Variants in ADGRG7 observed in about 807,000 individuals in gnomAD.
ADGRG7 encodes adhesion G protein-coupled receptor G7.
A neutral mutation model predicts 88.6 loss-of-function variants in ADGRG7; 82 were observed. The observed-to-expected ratio is 0.93, with a 90% CI of 0.77 to 1.11. ADGRG7 has a LOEUF of 1.11. Among genes scored for constraint, ADGRG7 ranks in the 50% most tolerant of loss-of-function variants. The probability of loss-of-function intolerance (pLI) is 0.00; values close to 1 mark genes in which losing one functional copy is unlikely to be tolerated. For missense variants in ADGRG7, 945 were observed against 953.4 expected (o/e 0.99, Z 0.12); for synonymous variants, 381 against 345.2 (o/e 1.10, Z -1.15).
intron 3 of ADGRG7, 129 bp downstream of exon 3, chr3:100,630,938 C>T (rs973454171): frequency 1.2e-5 from 5 of 410,798 alleles, no homozygotes; most frequent in Non-Finnish European, 2.2e-5. Context: ...ACTTAACTCC[C>T]TTTCGTGATG....
intron 15 of ADGRG7, among the ~76,000 whole-genome samples, chr3:100,693,945 G>A (rs1019358883): frequency 1.3e-5 from 2 of 152,298 alleles, no homozygotes; most frequent in African/African-American, 2.4e-5. Context: ...CAACAGTATA[G>A]GCAGCACCGT....
intron 1 of ADGRG7, 35 bp from the exon 2 acceptor site, chr3:100,629,563 G>A: frequency 1.4e-6 from 2 of 1,462,746 alleles, no homozygotes; most frequent in Non-Finnish European, 9.6e-7. Context: ...GAATCAGCCA[G>A]TTCATGACTA....
At chr3:100,611,030 T>C (rs953320450) in intron 1 of ADGRG7, among the ~76,000 whole-genome samples, 1 of 152,154 alleles carries the variant, frequency 6.6e-6, no homozygotes, top group Non-Finnish European at 1.5e-5. Flanking sequence ...GAATACTGTA[T>C]CGATAGTATT....
At chr3:100,646,246 T>G in intron 9 of ADGRG7, 138 bp downstream of exon 9, 1 of 724,674 alleles carries the variant, frequency 1.4e-6, no homozygotes, top group African/African-American at 1.8e-5. Flanking sequence ...TGAACAGAAA[T>G]AATAAAAATT....
chr3:100,690,191 C>T (rs2094990813), intron 15 of ADGRG7, among the ~76,000 whole-genome samples: 1 of 152,250 alleles, frequency 6.6e-6, no homozygotes, highest in Non-Finnish European at 1.5e-5. Context: ...GTGCATTCAT[C>T]ACGTAGTTCT....
chr3:100,640,493 A>C (rs1171012073), intron 6 of ADGRG7, among the ~76,000 whole-genome samples: 2 of 152,010 alleles, frequency 1.3e-5, no homozygotes, highest in Non-Finnish European at 2.9e-5. Context: ...TCATAGTACA[A>C]TCAATGAGTT....
intron 15 of ADGRG7, among the ~76,000 whole-genome samples, chr3:100,692,991 T>G (rs1311214348): frequency 1.3e-5 from 2 of 152,206 alleles, no homozygotes; most frequent in Admixed American, 1.3e-4. Flanking sequence ...CTAATAAACA[T>G]TTACTAAATG....
intron 1 of ADGRG7, among the ~76,000 whole-genome samples, chr3:100,611,275 CCTTCCTTCCTTCCTTCCTTCCTTCCTTT>C (rs1395988842): frequency 8.5e-5 from 12 of 141,882 alleles, no homozygotes; most frequent in African/African-American, 3.1e-4. Flanking sequence ...TTCCTTCCTT[CCTTCCTTCCTTCCTTCCTTCCTTCCTTT>C]CTTCTTTCCT....
In ADGRG7 at chr3:100,637,412, A is replaced by G. The variant is rs1707564176; in HGVS notation, c.698+10A>G. 3 of 1,599,004 alleles carry G rather than the reference A, an allele frequency of 1.9e-6. No individual in the cohort carries two copies. The highest frequency in any genetic ancestry group is 2.6e-6 in the Non-Finnish European group (3 of 1,166,930). On this transcript the variant is annotated intron_variant, in intron 6 of 15. Transcript: ENST00000273352. ...ATGATGCCCTTACAACGTAAGCACA[A>G]ATTCAATTTGGAAAGAAAACTTGAC... is the stretch of plus-strand genomic sequence containing the variant.
chr3:100,646,269 GA>G (rs1207264779), intron 9 of ADGRG7, 161 bp downstream of exon 9: 4 of 669,632 alleles, frequency 6.0e-6, no homozygotes, highest in Non-Finnish European at 9.9e-6. Context: ...GACCACTCTT[GA>G]ATAGCAAAAG....
chr3:100,682,561 C>T (rs1271701218), intron 15 of ADGRG7, among the ~76,000 whole-genome samples: 3 of 152,204 alleles, frequency 2.0e-5, no homozygotes, highest in African/African-American at 7.2e-5. Context: ...ATGGCCAGGC[C>T]CAGGGCCCAC....
At chr3:100,614,356 T>C (rs1707197254) in intron 1 of ADGRG7, among the ~76,000 whole-genome samples, 1 of 152,150 alleles carries the variant, frequency 6.6e-6, no homozygotes, top group Admixed American at 6.5e-5. Context: ...TCAAGAAAAA[T>C]GTTTATTAAA....
chr3:100,617,194 A>T (rs1185958257), intron 1 of ADGRG7, among the ~76,000 whole-genome samples: 1 of 152,154 alleles, frequency 6.6e-6, no homozygotes, highest in Non-Finnish European at 1.5e-5. Context: ...ATAAATAAAA[A>T]TTGGAAAATA....
chr3:100,665,546 T>C, intron 14 of ADGRG7: 1 of 410,518 alleles, frequency 2.4e-6, no homozygotes, highest in Admixed American at 3.1e-5. Flanking sequence ...ATATCTTACA[T>C]ATGTACTTTA....
chr3:100,668,938 C>A lies in ADGRG7; in HGVS notation c.1980-11C>A, dbSNP rs1181994563. On this transcript the variant is annotated splice_polypyrimidine_tract_variant and intron_variant, in intron 14 of 15. Transcript: ENST00000273352. ...TGAACCACATTATTTTTCTTGTTTT[C>A]TTTCACCTAGCACAAAAAAAGTTTC... 6.4e-7 allele frequency: 1 copy of A among 1,561,342 alleles called. No homozygotes were observed. The highest frequency in any genetic ancestry group is 1.2e-5 in the South Asian group (1 of 80,038).
intron 6 of ADGRG7, among the ~76,000 whole-genome samples, chr3:100,638,263 T>C (rs142692875): frequency 3.3e-5 from 5 of 152,182 alleles, no homozygotes; most frequent in African/African-American, 4.8e-5. Flanking sequence ...AATTGAAGGA[T>C]GGCAAATGCA....
chr3:100,609,744 G>A lies in ADGRG7; in HGVS notation c.-113G>A. 5.6e-6 allele frequency: 4 copies of A among 708,746 alleles called. No individual in the cohort carries two copies. The highest frequency in any genetic ancestry group is 2.3e-5 in the Admixed American group (1 of 43,464). The allele number at this position is 708,746 out of a possible 1,614,324, so 43.9% of individuals were successfully genotyped here. ...AGACATCCATCTGACAGATCACTGA[G>A]GGGAGGACTTGTTTTTCTGTTTTAG... On this transcript the variant is annotated 5_prime_UTR_variant, in exon 1 of 16. Transcript: ENST00000273352.
At chr3:100,661,093 T>G (rs2094944733) in intron 14 of ADGRG7, among the ~76,000 whole-genome samples, 1 of 152,186 alleles carries the variant, frequency 6.6e-6, no homozygotes, top group South Asian at 2.1e-4. Context: ...TCTATAACCT[T>G]TCTGGCTCCA....
intron 11 of ADGRG7, 83 bp downstream of exon 11, chr3:100,649,890 T>G: frequency 1.3e-6 from 1 of 742,170 alleles, no homozygotes; most frequent in Non-Finnish European, 2.3e-6. Flanking sequence ...GAGTAGTGTC[T>G]TTGAACTAGG....
Sources: gnomAD v4.1 joint callset for allele counts (sites outside exome capture counted in the v4.1 genomes callset) on GRCh38, gnomAD v4.1.1 for gene constraint, MANE v1.5 for transcripts, NCBI Gene and HGNC (gene_info 2026-07-23, HGNC 2026-07-21) for gene names.